Variants in PRDM16 observed in about 807,000 individuals in gnomAD.
PRDM16 encodes the protein histone-lysine N-methyltransferase PRDM16.
In PRDM16, 23 loss-of-function variants were observed where a neutral mutation model predicts 110.6. The ratio of observed to expected loss-of-function variants is 0.21; its 90% CI spans 0.15 to 0.29. The LOEUF (loss-of-function observed/expected upper bound fraction) is 0.29. PRDM16 is among the 10% of genes least tolerant of loss of function. The pLI, the probability that PRDM16 is intolerant of heterozygous loss-of-function variation, is 1.00. For missense variants in PRDM16, 1,615 were observed against 1,794.3 expected (o/e 0.90, Z 1.81); for synonymous variants, 799 against 781.8 (o/e 1.02, Z -0.37).
chr1:3,322,883 C>T (rs1160923361), intron 3 of PRDM16, among the ~76,000 whole-genome samples: 1 of 152,176 alleles, frequency 6.6e-6, no homozygotes, highest in Non-Finnish European at 1.5e-5. Context: ...GGCCTTCTTA[C>T]CTTTCTACCT....
chr1:3,331,842 C>T (rs917468166), intron 3 of PRDM16, among the ~76,000 whole-genome samples: 5 of 152,168 alleles, frequency 3.3e-5, no homozygotes, highest in African/African-American at 9.7e-5. Flanking sequence ...GGCCCGGCCC[C>T]GTCTGTGGCC....
intron 1 of PRDM16, among the ~76,000 whole-genome samples, chr1:3,181,017 A>C (rs1049453482): frequency 0.059 from 5,474 of 93,124 alleles, 365 homozygotes; most frequent in Non-Finnish European, 0.085. Flanking sequence ...CGGTCTTACA[A>C]ATGCGGTCTT....
At chr1:3,405,804 G>A (rs1002178015) in intron 8 of PRDM16, among the ~76,000 whole-genome samples, 156 bp downstream of exon 8, 12 of 152,234 alleles carry the variant, frequency 7.9e-5, no homozygotes, top group Non-Finnish European at 1.3e-4. Flanking sequence ...TCTGCCGCGT[G>A]CAGCCTGGTC....
intron 1 of PRDM16, among the ~76,000 whole-genome samples, chr1:3,168,440 C>T (rs1405590802): frequency 2.0e-5 from 3 of 149,800 alleles, no homozygotes; most frequent in Admixed American, 6.7e-5. Flanking sequence ...TTACAACCCC[C>T]GCGGTGGAAG....
At chr1:3,108,810 C>G (rs1642722236) in intron 1 of PRDM16, among the ~76,000 whole-genome samples, 1 of 151,984 alleles carries the variant, frequency 6.6e-6, no homozygotes, top group Admixed American at 6.6e-5. Flanking sequence ...CCCCTTAGTG[C>G]TCAGGATGCC....
intron 1 of PRDM16, among the ~76,000 whole-genome samples, chr1:3,135,838 C>CG (rs2100692252): frequency 6.6e-6 from 1 of 152,344 alleles, no homozygotes; most frequent in East Asian, 1.9e-4. Flanking sequence ...CTCCCTGGGC[C>CG]GGGTCTCCCT....
intron 4 of PRDM16, among the ~76,000 whole-genome samples, chr1:3,388,628 G>T (rs1445170179): frequency 6.6e-6 from 1 of 152,194 alleles, no homozygotes; most frequent in Non-Finnish European, 1.5e-5. Flanking sequence ...GAGAGAGGCC[G>T]CTCTGAACTG....
In PRDM16 at chr1:3,213,798, C is replaced by T. The variant is rs77388252; in HGVS notation, c.387+27324C>T. 0.026 allele frequency among the ~76,000 whole-genome samples: 3,999 copies of T among 152,200 alleles called. 69 individuals carry two copies. The highest frequency in any genetic ancestry group is 0.041 in the Middle Eastern group (12 of 294). On this transcript the variant is annotated intron_variant, in intron 2 of 16. Coordinates refer to ENST00000270722, the MANE Select transcript of PRDM16 (RefSeq NM_022114.4). The surrounding 1 kb of genome is among the most constrained non-coding windows in gnomAD (Gnocchi z 5.3). ...ACCTACAAACAAGGTCAGCCAGGGC[C>T]GTAGACCAAGGACTCCCGAGGCCAA...
intron 1 of PRDM16, among the ~76,000 whole-genome samples, chr1:3,141,702 C>T (rs930234068): frequency 1.3e-5 from 2 of 152,220 alleles, no homozygotes; most frequent in African/African-American, 2.4e-5. Flanking sequence ...GTGGAAATGG[C>T]CTTCTTCTGT....
intron 5 of PRDM16, among the ~76,000 whole-genome samples, chr1:3,400,319 G>C (rs891409479): frequency 6.6e-6 from 1 of 152,232 alleles, no homozygotes; most frequent in African/African-American, 2.4e-5. Flanking sequence ...AAGCCCTGAG[G>C]ACAGGACCTG....
intron 7 of PRDM16, 71 bp downstream of exon 7, chr1:3,404,957 C>T: frequency 2.0e-6 from 3 of 1,516,540 alleles, no homozygotes; most frequent in Non-Finnish European, 2.7e-6. Context: ...CGCCCCCGTG[C>T]TCCCTACACC....
At chr1:3,281,695 A>G (rs1164893052) in intron 3 of PRDM16, among the ~76,000 whole-genome samples, 4 of 152,214 alleles carry the variant, frequency 2.6e-5, no homozygotes, top group Admixed American at 2.6e-4. Context: ...AGCTATGACC[A>G]GATTGATTGA....
chr1:3,136,364 C>T (rs932470780), intron 1 of PRDM16, among the ~76,000 whole-genome samples: 3 of 152,304 alleles, frequency 2.0e-5, no homozygotes, highest in Middle Eastern at 3.4e-3. Flanking sequence ...ATTTTACAGA[C>T]GAGGCAGTGG....
At chr1:3,142,855 A>G (rs1643578815) in intron 1 of PRDM16, among the ~76,000 whole-genome samples, 1 of 152,180 alleles carries the variant, frequency 6.6e-6, no homozygotes, top group African/African-American at 2.4e-5. Context: ...CCCTGGTGTT[A>G]CAGGCTGCGG....
At chr1:3,305,848 C>A (rs749107202) in intron 3 of PRDM16, among the ~76,000 whole-genome samples, 1 of 152,230 alleles carries the variant, frequency 6.6e-6, no homozygotes, top group African/African-American at 2.4e-5. Context: ...GGGTGATGCC[C>A]GTGCTGCTTT....
rs1019228817 is a variant in PRDM16, at chr1:3,382,256, C to T, written c.439-2896C>T. Among the ~76,000 whole-genome samples, 12 of 152,326 alleles carry T rather than the reference C, an allele frequency of 7.9e-5. No individual in the cohort carries two copies. Among genetic ancestry groups the T allele is most frequent in the African/African-American group, 2.9e-4 (12 of 41,572 alleles). ...CGCTTGTGGCCTCCTCCCTCCCATG[C>T]CACGCCCCTGCCACCCCTGTCCTGG... On this transcript the variant is annotated intron_variant, in intron 3 of 16. Transcript: ENST00000270722. This position sits in a 1 kb window ranked among gnomAD's most constrained non-coding sequence, Gnocchi z 6.6.
chr1:3,283,623 G>C (rs1225165899), intron 3 of PRDM16, among the ~76,000 whole-genome samples: 13 of 152,148 alleles, frequency 8.5e-5, no homozygotes, highest in Admixed American at 2.6e-4. Context: ...GTCAGCAAAG[G>C]GTTACGGGGA....
At chr1:3,242,353 CCA>C (rs1407077527) in intron 2 of PRDM16, among the ~76,000 whole-genome samples, 1 of 152,242 alleles carries the variant, frequency 6.6e-6, no homozygotes, top group Non-Finnish European at 1.5e-5. Context: ...GCAACAAGAT[CCA>C]CAGTTTCTCT....
At chr1:3,152,034 C>T (rs570626533) in intron 1 of PRDM16, among the ~76,000 whole-genome samples, 10 of 152,286 alleles carry the variant, frequency 6.6e-5, no homozygotes, top group Non-Finnish European at 8.8e-5. Context: ...CACTCGGCCC[C>T]GTGGCACATT....
Sources: gnomAD v4.1 joint callset for allele counts (sites outside exome capture counted in the v4.1 genomes callset) on GRCh38, gnomAD v4.1.1 for gene constraint, Gnocchi (gnomAD v3.1) non-coding constraint, MANE v1.5 for transcripts, NCBI Gene and HGNC (gene_info 2026-07-23, HGNC 2026-07-21) for gene names.